The following PTPRG variants were observed in gnomAD, a reference collection of about 807,000 sequenced individuals.
The protein encoded by PTPRG is receptor-type tyrosine-protein phosphatase gamma.
PTPRG carries 102 observed loss-of-function variants against 165.3 expected under a neutral mutation model. The ratio of observed to expected loss-of-function variants is 0.62; its 90% CI spans 0.53 to 0.73. The LOEUF is 0.73. Among genes scored for constraint, PTPRG ranks in the 30% least tolerant of loss-of-function variants. The probability of loss-of-function intolerance (pLI) is 0.00; values close to 1 mark genes in which losing one functional copy is unlikely to be tolerated. For synonymous variants in PTPRG, 675 were observed against 669.5 expected (o/e 1.01, Z -0.13); for missense variants, 1,866 against 1,861.4 (o/e 1.00, Z -0.05).
At chr3:61,817,017 ACT>A (rs72155915) in intron 2 of PTPRG, among the ~76,000 whole-genome samples, 32,057 of 130,392 alleles carry the variant, frequency 0.25, 4,102 homozygotes, top group East Asian at 0.37. Context: ...AAATATATAT[ACT>A]ATATAATATA....
At chr3:62,047,643 G>T (rs1252746089) in intron 4 of PTPRG, among the ~76,000 whole-genome samples, 1 of 152,150 alleles carries the variant, frequency 6.6e-6, no homozygotes, top group Non-Finnish European at 1.5e-5. Flanking sequence ...TTTTATGTAA[G>T]TTCTCTAACC....
chr3:61,884,281 G>C (rs1032336214), intron 2 of PTPRG, among the ~76,000 whole-genome samples: 1 of 152,192 alleles, frequency 6.6e-6, no homozygotes, highest in African/African-American at 2.4e-5. Context: ...GTTAAAGTTA[G>C]TGTGCTTCAC....
intron 1 of PTPRG, chr3:61,739,122 T>A (rs979687482): frequency 1.3e-5 from 2 of 151,424 alleles, no homozygotes; most frequent in African/African-American, 2.4e-5. Flanking sequence ...AAAAAAAAAT[T>A]TTTTTTAAGG....
chr3:61,743,821 A>T (rs116807298), intron 1 of PTPRG, among the ~76,000 whole-genome samples: 139 of 152,334 alleles, frequency 9.1e-4, no homozygotes, highest in Non-Finnish European at 1.8e-3. Flanking sequence ...TATTCTGAAG[A>T]GTGAAACTAC....
At chr3:61,892,686 C>A (rs116629340) in intron 2 of PTPRG, among the ~76,000 whole-genome samples, 6 of 151,730 alleles carry the variant, frequency 4.0e-5, no homozygotes, top group Admixed American at 3.9e-4. Flanking sequence ...TGTGGTGGAA[C>A]GTTCCTGTAA....
chr3:61,899,571 T>C (rs1292661845), intron 2 of PTPRG, among the ~76,000 whole-genome samples: 1 of 152,118 alleles, frequency 6.6e-6, no homozygotes, highest in Non-Finnish European at 1.5e-5. Context: ...CTCTCTGTTG[T>C]TGTGCTGTCT....
At chr3:61,713,030 C>T (rs2031638853) in intron 1 of PTPRG, among the ~76,000 whole-genome samples, 1 of 152,076 alleles carries the variant, frequency 6.6e-6, no homozygotes, top group African/African-American at 2.4e-5. Context: ...TCCCAAGTAC[C>T]CCCTTTCATC....
chr3:61,797,319 T>C (rs931392562), intron 2 of PTPRG, among the ~76,000 whole-genome samples: 4 of 152,334 alleles, frequency 2.6e-5, no homozygotes, highest in Middle Eastern at 3.4e-3. Flanking sequence ...TGGATTTTTT[T>C]CCCCCATATT....
chr3:61,649,548 C>T (rs189800658), intron 1 of PTPRG, among the ~76,000 whole-genome samples: 34 of 152,284 alleles, frequency 2.2e-4, no homozygotes, highest in Admixed American at 1.7e-3. Context: ...GGTTCTTAAT[C>T]TCATTAACAA....
chr3:61,793,694 T>A (rs1294897024), intron 2 of PTPRG, among the ~76,000 whole-genome samples: 1 of 152,186 alleles, frequency 6.6e-6, no homozygotes, highest in African/African-American at 2.4e-5. Context: ...GACCTTAACT[T>A]GCAAATTGGC....
intron 1 of PTPRG, among the ~76,000 whole-genome samples, chr3:61,601,180 C>A (rs67565140): frequency 0.088 from 13,390 of 152,230 alleles, 701 homozygotes; most frequent in East Asian, 0.22. Flanking sequence ...CACTTGAACC[C>A]TGAAGGCGGA....
intron 2 of PTPRG, among the ~76,000 whole-genome samples, chr3:61,939,278 C>T (rs1480806659): frequency 6.6e-6 from 1 of 152,196 alleles, no homozygotes; most frequent in African/African-American, 2.4e-5. Flanking sequence ...AATAATTTGA[C>T]ATGAAGTGCC....
intron 2 of PTPRG, among the ~76,000 whole-genome samples, chr3:61,783,797 A>G (rs1324962845): frequency 1.3e-5 from 2 of 152,192 alleles, no homozygotes; most frequent in East Asian, 1.9e-4. Context: ...CTGGAGACAG[A>G]TGAACTTGGG....
chr3:62,258,604 T>C (rs573965822), intron 16 of PTPRG, among the ~76,000 whole-genome samples: 3 of 152,320 alleles, frequency 2.0e-5, no homozygotes, highest in East Asian at 3.9e-4. Context: ...CTTTACTGCT[T>C]GGAGAATGAG....
chr3:62,019,304 T>A (rs2041626279), intron 4 of PTPRG, among the ~76,000 whole-genome samples: 1 of 152,084 alleles, frequency 6.6e-6, no homozygotes, highest in Admixed American at 6.6e-5. Context: ...GGTGGATTGC[T>A]TGAGCTCAGG....
chr3:62,073,555 C>T (rs531829651), intron 4 of PTPRG, among the ~76,000 whole-genome samples: 160 of 152,078 alleles, frequency 1.1e-3, no homozygotes, highest in African/African-American at 3.6e-3. Context: ...CTCGGCTCAC[C>T]ACAACCTCCG....
At chr3:61,909,318 T>A (rs2038740760) in intron 2 of PTPRG, among the ~76,000 whole-genome samples, 3 of 152,332 alleles carry the variant, frequency 2.0e-5, no homozygotes, top group South Asian at 2.1e-4. Flanking sequence ...CTAATATGAA[T>A]CTGTGTCAAC....
chr3:61,788,360 A>T (rs1235654155), intron 2 of PTPRG, among the ~76,000 whole-genome samples: 1 of 152,234 alleles, frequency 6.6e-6, no homozygotes, highest in Non-Finnish European at 1.5e-5. Flanking sequence ...GTGATTGGCA[A>T]TGCGTGAACA....
chr3:61,678,599 C>T (rs1373842017), intron 1 of PTPRG, among the ~76,000 whole-genome samples: 1 of 152,122 alleles, frequency 6.6e-6, no homozygotes, highest in African/African-American at 2.4e-5. Flanking sequence ...GGCCTCATCC[C>T]TGGTAAAAAG....
Sources: allele counts gnomAD v4.1 joint callset (sites outside exome capture counted in the v4.1 genomes callset), GRCh38; gene constraint gnomAD v4.1.1; transcripts MANE v1.5; gene names NCBI Gene and HGNC (gene_info 2026-07-23, HGNC 2026-07-21).